The following CDK10 variants were observed in gnomAD, a reference collection of about 807,000 sequenced individuals.
CDK10 encodes cyclin-dependent kinase 10.
Under a neutral mutation model 51.0 loss-of-function variants are expected in CDK10, and 55 were observed. That is an observed-to-expected ratio of 1.08 (90% CI 0.87 to 1.35). The LOEUF (loss-of-function observed/expected upper bound fraction) is 1.35. CDK10 is among the 40% of genes most tolerant of loss of function. The pLI is 0.00. For missense variants in CDK10, 589 were observed against 485.1 expected (o/e 1.21, Z -2.01); for synonymous variants, 255 against 199.1 (o/e 1.28, Z -2.36).
At position 89,694,794 on chromosome 16, in the gene CDK10, C is replaced by T. The variant is rs925161337; in HGVS notation, c.792+6C>T. The T allele has an allele frequency of 1.9e-5, 29 of 1,557,364 alleles. No homozygotes were observed. The highest frequency in any genetic ancestry group is 1.7e-4 in the Middle Eastern group (1 of 6,002). On this transcript the variant is annotated splice_donor_region_variant and intron_variant, in intron 10 of 12. Coordinates refer to ENST00000353379, the MANE Select transcript of CDK10 (RefSeq NM_052988.5). Reference sequence around the variant, plus strand: ...CCAGTGAGAACATCTGGCCGGTGGGCGTCCTGGGCAGACCCGCAGCCCCCG... The same window carrying T: ...CCAGTGAGAACATCTGGCCGGTGGGTGTCCTGGGCAGACCCGCAGCCCCCG...
At chr16:89,695,160 C>A (rs2060654796) in intron 11 of CDK10, 90 bp downstream of exon 11, 1 of 1,544,302 alleles carries the variant, frequency 6.5e-7, no homozygotes, top group African/African-American at 1.4e-5. Context: ...GGTGGAGAGG[C>A]CCCTCCCCAG....
chr16:89,695,109 C>G, intron 11 of CDK10, 39 bp downstream of exon 11: 1 of 1,594,870 alleles, frequency 6.3e-7, no homozygotes, highest in Non-Finnish European at 8.5e-7. Context: ...CCCTCACCAC[C>G]CACACTGTCC....
chr16:89,693,659 G>A (rs551085224), intron 8 of CDK10, 192 bp downstream of exon 8: 11 of 614,320 alleles, frequency 1.8e-5, no homozygotes, highest in Admixed American at 5.8e-5. Context: ...GGTGAGAGAC[G>A]GGCTCAGTGG....
At position 89,692,458 on chromosome 16, in the gene CDK10, A is replaced by G. The variant is rs558859177; in HGVS notation, c.427A>G (p.Ile143Val). ...CTGACCCTCTGCACAGGTCAAGTGC[A>G]TCGTGCTGCAGGTGCTCCGGGGCCT... The part of the protein sequence containing the change: ...TPFSEAQVKC[I>V]VLQVLRGLQY... The change falls in exon 6 of 13, where the codon ATC (isoleucine) becomes GTC (valine). Residue 143 changes from isoleucine (I) to valine (V), a missense_variant. Coordinates refer to ENST00000353379, the MANE Select transcript of CDK10 (RefSeq NM_052988.5). 6.3e-7 allele frequency: 1 copy of G among 1,592,462 alleles called. No homozygotes were observed. The highest frequency in any genetic ancestry group is 8.6e-7 in the Non-Finnish European group (1 of 1,169,428).
At chr16:89,687,420 G>A (rs768513226) in intron 1 of CDK10, 2 of 446,560 alleles carry the variant, frequency 4.5e-6, no homozygotes, top group South Asian at 1.6e-5. Context: ...GAGAGGCCAA[G>A]CCACGTGTTC....
chr16:89,689,412 C>T, intron 2 of CDK10, 88 bp downstream of exon 2: 1 of 1,109,894 alleles, frequency 9.0e-7, no homozygotes, highest in Non-Finnish European at 1.4e-6. Context: ...CGCGTTGGGG[C>T]TGGAAGGGAC....
chr16:89,695,254 G>A (rs747535736), intron 11 of CDK10, 39 bp from the exon 12 acceptor site: 50 of 1,584,214 alleles, frequency 3.2e-5, no homozygotes, highest in Non-Finnish European at 3.7e-5. Flanking sequence ...TGAGGAAGCC[G>A]CACTCACAAG....
chr16:89,695,645 G>T lies in CDK10; in HGVS notation c.1036G>T (p.Ala346Ser). The change falls in exon 13 of 13, where the codon GCC (alanine) becomes TCC (serine). Residue 346 changes from alanine to serine, a missense_variant. By Grantham distance (99) the Ala-to-Ser change is moderately conservative. Coordinates refer to ENST00000353379, the MANE Select transcript of CDK10 (RefSeq NM_052988.5). ...PTFPHHRNKR[A>S]APATSEGQSK... ...CTTTCCCCACCACCGCAACAAGCGG[G>T]CCGCCCCAGCCACCTCCGAGGGCCA... is the stretch of plus-strand genomic sequence containing the variant. 6.2e-7 allele frequency: 1 copy of T among 1,604,394 alleles called. No individual in the cohort carries two copies.
At chr16:89,693,505 G>T in intron 8 of CDK10, 38 bp downstream of exon 8, 1 of 1,601,276 alleles carries the variant, frequency 6.2e-7, no homozygotes, top group South Asian at 1.1e-5. Flanking sequence ...CTGGGGACCA[G>T]GCCTGTCTGG....
chr16:89,691,473 C>A lies in CDK10; in HGVS notation c.263C>A (p.Thr88Lys). Reference protein sequence around the residue: ...GIPISSLREITLLLRLRHPNI... With the variant: ...GIPISSLREIKLLLRLRHPNI... ...CCCATCAGCAGCTTGCGGGAGATCA[C>A]GCTGCTGCTCCGCCTGCGTCATCCG... The change falls in exon 4 of 13, where the codon ACG becomes AAG. Residue 88 changes from threonine to lysine, a missense_variant. Thr to Lys is a moderately conservative substitution (Grantham distance 78). Coordinates refer to ENST00000353379, the MANE Select transcript of CDK10 (RefSeq NM_052988.5). The A allele has an allele frequency of 6.2e-7, 1 of 1,613,236 alleles. No homozygotes were observed. Among genetic ancestry groups the A allele is most frequent in the African/African-American group, 1.3e-5 (1 of 75,034 alleles).
chr16:89,695,430 G>A, intron 12 of CDK10, 85 bp downstream of exon 12: 1 of 1,507,838 alleles, frequency 6.6e-7, no homozygotes, highest in Non-Finnish European at 9.2e-7. Flanking sequence ...GAAGTGGCCT[G>A]CTGCCCTCAC....
chr16:89,687,314 G>A, intron 1 of CDK10: 1 of 378,294 alleles, frequency 2.6e-6, no homozygotes, highest in Non-Finnish European at 5.4e-6. Context: ...GAGCCTCTGG[G>A]CGTTGGGCGG....
intron 1 of CDK10, chr16:89,687,723 C>T (rs569404390): frequency 1.8e-5 from 7 of 388,106 alleles, no homozygotes; most frequent in African/African-American, 1.5e-4. Context: ...CCACCGCCCC[C>T]AGCCTGGCCT....
chr16:89,686,795 AGGGTGCGCG>A lies in CDK10; in HGVS notation c.87+5_87+13del. The A allele has an allele frequency of 1.2e-6, 2 of 1,609,902 alleles. No homozygotes were observed. The highest frequency in any genetic ancestry group is 1.7e-6 in the Non-Finnish European group (2 of 1,178,074). On this transcript the variant is annotated splice_donor_variant and splice_donor_5th_base_variant and coding_sequence_variant and intron_variant, in exon 1 of 13. Transcript: ENST00000353379. LOFTEE classifies it high-confidence loss of function. ...CTTCTTCACGGTGCCTCCGGAACACAGGGTGCGCGGGGTGCCACCCGGGCAGCTCTGCCC... is the reference window on the plus strand; with the variant it reads ...CTTCTTCACGGTGCCTCCGGAACACAGGGTGCCACCCGGGCAGCTCTGCCC...
At chr16:89,695,243 G>A (rs372950586) in intron 11 of CDK10, 50 bp from the exon 12 acceptor site, 3 of 1,576,042 alleles carry the variant, frequency 1.9e-6, no homozygotes, top group Middle Eastern at 1.7e-4. Flanking sequence ...TGGGTGGGAG[G>A]TGAGGAAGCC....
In CDK10 at chr16:89,695,593, A is replaced by C. The variant is rs1567527785; in HGVS notation, c.986-2A>C. 4 of 1,601,926 alleles carry C rather than the reference A, an allele frequency of 2.5e-6. No individual in the cohort carries two copies. The African/African-American group carries it at 5.4e-5, about 21-fold the overall frequency. ...CCCAGCACTGAACCCTTCTCCCTGCAGCCTGTGAGCCGGAGCTCATGCCGA... is the reference window on the plus strand; with the variant it reads ...CCCAGCACTGAACCCTTCTCCCTGCCGCCTGTGAGCCGGAGCTCATGCCGA... On this transcript the variant is annotated splice_acceptor_variant, in intron 12 of 12. Transcript: ENST00000353379. LOFTEE classifies it high-confidence loss of function.
chr16:89,687,357 G>T, intron 1 of CDK10: 1 of 418,664 alleles, frequency 2.4e-6, no homozygotes, highest in Non-Finnish European at 4.9e-6. Flanking sequence ...TGGGGGTGGA[G>T]AGCCCTGAAC....
intron 1 of CDK10, among the ~76,000 whole-genome samples, chr16:89,688,077 C>CTTTTT (rs35911494): frequency 2.7e-5 from 2 of 75,420 alleles, no homozygotes; most frequent in Non-Finnish European, 4.6e-5. Context: ...GCTACGTGTG[C>CTTTTT]TTTTTTTTTT....
In CDK10 at chr16:89,694,657, C is replaced by T. The variant is rs747851479; in HGVS notation, c.669-8C>T. 6.3e-7 allele frequency: 1 copy of T among 1,585,376 alleles called. No homozygotes were observed. Among genetic ancestry groups the T allele is most frequent in the Admixed American group, 1.8e-5 (1 of 56,610 alleles). On this transcript the variant is annotated splice_region_variant and splice_polypyrimidine_tract_variant and intron_variant, in intron 9 of 12. Coordinates refer to ENST00000353379, the MANE Select transcript of CDK10 (RefSeq NM_052988.5). ...TCTGGCCGCAGTGAGGTCCACTGTTCTCTGCAGGGCTGTGGGCTGCATACT... is the reference window on the plus strand; with the variant it reads ...TCTGGCCGCAGTGAGGTCCACTGTTTTCTGCAGGGCTGTGGGCTGCATACT...
Sources: allele counts gnomAD v4.1 joint callset (sites outside exome capture counted in the v4.1 genomes callset), GRCh38; gene constraint gnomAD v4.1.1; transcripts MANE v1.5; gene names NCBI Gene and HGNC (gene_info 2026-07-23, HGNC 2026-07-21).